The following AFF3 variants were observed in gnomAD, a reference collection of about 807,000 sequenced individuals.
The protein encoded by AFF3 is AF4/FMR2 family member 3.
A neutral mutation model predicts 129.7 loss-of-function variants in AFF3; 32 were observed. That is an observed-to-expected ratio of 0.25 (90% CI 0.19 to 0.33). The LOEUF (loss-of-function observed/expected upper bound fraction) is 0.33, where lower values mean the gene tolerates loss of function less well. Among genes scored for constraint, AFF3 ranks in the 10% least tolerant of loss-of-function variants. The pLI is 1.00. For missense variants in AFF3, 1,373 were observed against 1,592.0 expected (o/e 0.86, Z 2.34); for synonymous variants, 644 against 635.4 (o/e 1.01, Z -0.20).
chr2:99,839,415 T>TGCC lies in AFF3; in HGVS notation c.874-1892_874-1891insGGC, dbSNP rs1269746422. Among the ~76,000 whole-genome samples, 277 of 152,068 alleles carry TGCC rather than the reference T, an allele frequency of 1.8e-3. 2 individuals are homozygous for TGCC. The highest frequency in any genetic ancestry group is 4.7e-4 in the Non-Finnish European group (32 of 67,998). On this transcript the variant is annotated intron_variant, in intron 7 of 24. Transcript: ENST00000672756. ...ATGAGCCACCGTGCCTGGCCTGTTTTAACTTTTTGAGGAACTGTCAAATTG... is the reference window on the plus strand; with the variant it reads ...ATGAGCCACCGTGCCTGGCCTGTTTTGCCAACTTTTTGAGGAACTGTCAAATTG...
intron 7 of AFF3, among the ~76,000 whole-genome samples, chr2:99,982,182 CAT>C (rs1352162133): frequency 6.6e-6 from 1 of 152,172 alleles, no homozygotes; most frequent in Non-Finnish European, 1.5e-5. Flanking sequence ...ACCCAAATCT[CAT>C]GTTGTAGATT....
At chr2:99,902,209 TATAA>T (rs1354704956) in intron 7 of AFF3, among the ~76,000 whole-genome samples, 1 of 152,062 alleles carries the variant, frequency 6.6e-6, no homozygotes, top group Admixed American at 6.5e-5. Flanking sequence ...TAATAAATAG[TATAA>T]ATAATTTATA....
chr2:99,749,348 A>C (rs1575860771), intron 9 of AFF3, among the ~76,000 whole-genome samples: 1 of 152,386 alleles, frequency 6.6e-6, no homozygotes, highest in South Asian at 2.1e-4. Context: ...ATTTTACCTC[A>C]GAAGTCAAGT....
intron 21 of AFF3, 133 bp from the exon 22 acceptor site, chr2:99,559,101 C>A (rs867740593): frequency 1.2e-4 from 85 of 712,876 alleles, no homozygotes; most frequent in Non-Finnish European, 2.0e-4. Flanking sequence ...TCTTTCTATA[C>A]GTGCATATAA....
chr2:99,806,809 T>C (rs1195316731), intron 8 of AFF3, among the ~76,000 whole-genome samples: 5 of 152,226 alleles, frequency 3.3e-5, no homozygotes, highest in Non-Finnish European at 7.3e-5. Context: ...GCGCTCTGTG[T>C]TGAATGCTGA....
rs1161029724 is a variant in AFF3 at position 99,551,444 on chromosome 2, A to G, written c.*30T>C. 5 of 1,613,290 alleles carry G rather than the reference A, an allele frequency of 3.1e-6. No individual in the cohort carries two copies. In the African/African-American group the frequency reaches 5.3e-5, roughly 17 times the overall value. ...AAACGTTGAGCCATCTGTGGAGACCAGAGCCCACTCTGGCCCCAGGGTGAG... is the reference window on the plus strand; with the variant it reads ...AAACGTTGAGCCATCTGTGGAGACCGGAGCCCACTCTGGCCCCAGGGTGAG... On this transcript the variant is annotated 3_prime_UTR_variant, in exon 25 of 25. Transcript: ENST00000672756.
intron 1 of AFF3, among the ~76,000 whole-genome samples, chr2:100,131,528 C>G (rs1034378849): frequency 6.6e-6 from 1 of 152,080 alleles, no homozygotes; most frequent in Non-Finnish European, 1.5e-5. Flanking sequence ...GGTGCAGTCT[C>G]AGCTCACTGC....
In AFF3 at chr2:99,565,663, G is replaced by GT. The variant is rs761277269; in HGVS notation, c.2983-41dup. Reference sequence around the variant, plus strand: ...TAATACAGTGTCTTCCTAAACAATAGTTTTTTTTAAATGGCATTGTCATGT... The same window carrying GT: ...TAATACAGTGTCTTCCTAAACAATAGTTTTTTTTTAAATGGCATTGTCATGT... On this transcript the variant is annotated intron_variant, in intron 19 of 24. Coordinates refer to ENST00000672756, the MANE Select transcript of AFF3 (RefSeq NM_001386135.1). 129 of 1,583,598 alleles carry GT rather than the reference G, an allele frequency of 8.1e-5. 1 individual carries two copies. The highest frequency in any genetic ancestry group is 3.4e-4 in the East Asian group (15 of 44,284).
intron 7 of AFF3, among the ~76,000 whole-genome samples, chr2:99,958,268 A>G (rs1188004662): frequency 1.3e-5 from 2 of 152,096 alleles, no homozygotes; most frequent in Non-Finnish European, 2.9e-5. Context: ...TGAAGTGGGC[A>G]GATCACTTAA....
intron 13 of AFF3, among the ~76,000 whole-genome samples, chr2:99,610,811 T>C (rs1407797538): frequency 6.6e-6 from 1 of 152,226 alleles, no homozygotes; most frequent in African/African-American, 2.4e-5. Context: ...CTTGAGTCTG[T>C]AGGTTTATGT....
At chr2:99,906,522 G>A (rs1694728014) in intron 7 of AFF3, among the ~76,000 whole-genome samples, 1 of 152,098 alleles carries the variant, frequency 6.6e-6, no homozygotes. Flanking sequence ...GTCTTTCTGT[G>A]AAGTTATTTT....
intron 4 of AFF3, among the ~76,000 whole-genome samples, chr2:100,011,192 C>T (rs781267317): frequency 1.1e-4 from 17 of 152,014 alleles, no homozygotes; most frequent in East Asian, 1.9e-4. Context: ...GAGAACGGCA[C>T]GAACCCGGGA....
chr2:99,558,060 T>C (rs1313298949), intron 22 of AFF3, among the ~76,000 whole-genome samples: 11 of 152,200 alleles, frequency 7.2e-5, no homozygotes, highest in African/African-American at 2.7e-4. Flanking sequence ...AAGTAAAAGG[T>C]GGCATGGTTT....
At chr2:99,791,747 C>T (rs923301037) in intron 8 of AFF3, among the ~76,000 whole-genome samples, 11 of 152,098 alleles carry the variant, frequency 7.2e-5, no homozygotes, top group Middle Eastern at 3.5e-3. Context: ...AAAGGTGACA[C>T]GCTGTCTTCT....
At chr2:100,105,313 C>A in intron 3 of AFF3, 191 bp downstream of exon 3, 1 of 1,196,562 alleles carries the variant, frequency 8.4e-7, no homozygotes, top group South Asian at 1.5e-5. Context: ...CTGTGCCGCC[C>A]GCAGCAGCGC....
intron 12 of AFF3, among the ~76,000 whole-genome samples, chr2:99,653,874 TTTTTC>T (rs1247772604): frequency 0.012 from 662 of 53,820 alleles, 10 homozygotes; most frequent in African/African-American, 0.026. Context: ...TGCACTGCTT[TTTTTC>T]TTTTTTTTTT....
chr2:99,702,771 T>C (rs1257261920), intron 11 of AFF3, among the ~76,000 whole-genome samples: 1 of 152,262 alleles, frequency 6.6e-6, no homozygotes, highest in Non-Finnish European at 1.5e-5. Context: ...GTTTCTTTAA[T>C]GCTAAGGTCT....
At chr2:100,013,176 T>C (rs977097598) in intron 4 of AFF3, among the ~76,000 whole-genome samples, 2 of 152,226 alleles carry the variant, frequency 1.3e-5, no homozygotes, top group Non-Finnish European at 2.9e-5. Context: ...AATTGCGGTA[T>C]CTTGTAGAGC....
chr2:99,837,756 C>G (rs569655539), intron 7 of AFF3, among the ~76,000 whole-genome samples: 1 of 152,160 alleles, frequency 6.6e-6, no homozygotes, highest in Non-Finnish European at 1.5e-5. Flanking sequence ...CCCAGAGGCT[C>G]AACTGTGGCC....
Sources: allele counts gnomAD v4.1 joint callset (sites outside exome capture counted in the v4.1 genomes callset), GRCh38; gene constraint gnomAD v4.1.1; transcripts MANE v1.5; gene names NCBI Gene and HGNC (gene_info 2026-07-23, HGNC 2026-07-21).